Variants in LPP observed in about 807,000 individuals in gnomAD.
The protein encoded by LPP is LIM domain containing preferred translocation partner in lipoma, also known as lipoma-preferred partner.
Under a neutral mutation model 60.4 loss-of-function variants are expected in LPP, and 38 were observed. The observed-to-expected ratio is 0.63, with a 90% CI of 0.49 to 0.83. The LOEUF (loss-of-function observed/expected upper bound fraction) is 0.83. Ranked by LOEUF, LPP falls within the 40% of genes least tolerant of loss-of-function variation. The pLI, the probability that LPP is intolerant of heterozygous loss-of-function variation, is 0.00. For synonymous variants in LPP, 328 were observed against 290.8 expected (o/e 1.13, Z -1.30); for missense variants, 902 against 783.6 (o/e 1.15, Z -1.80).
chr3:188,779,359 G>A (rs1738866305), intron 9 of LPP, among the ~76,000 whole-genome samples: 6 of 152,098 alleles, frequency 3.9e-5, no homozygotes, highest in Admixed American at 3.9e-4. Flanking sequence ...ATCAGGAAGG[G>A]ACGTGCATCA....
intron 3 of LPP, among the ~76,000 whole-genome samples, chr3:188,376,189 G>T (rs1373163656): frequency 6.6e-6 from 1 of 152,098 alleles, no homozygotes; most frequent in East Asian, 1.9e-4. Context: ...CTGTCGATTT[G>T]GGGTGGAGAG....
At position 188,881,834 on chromosome 3, in the gene LPP, A is replaced by G; in HGVS notation, c.*7355A>G. 1 of 215,848 alleles carries G rather than the reference A, an allele frequency of 4.6e-6. No homozygotes were observed. Among genetic ancestry groups the G allele is most frequent in the Non-Finnish European group, 9.3e-6 (1 of 107,036 alleles). 13.4% of individuals were successfully genotyped at this position (215,848 alleles called of 1,614,324 possible). On this transcript the variant is annotated 3_prime_UTR_variant, in exon 12 of 12. Coordinates refer to ENST00000617246, the MANE Select transcript of LPP (RefSeq NM_001375462.1). ...AACACTTTATAGGTTCTACTTTAAT[A>G]TATGGACACTTTACAGGTTATACAT...
chr3:188,191,490 G>A (rs1269343724), intron 1 of LPP, among the ~76,000 whole-genome samples: 1 of 152,148 alleles, frequency 6.6e-6, no homozygotes, highest in Non-Finnish European at 1.5e-5. Context: ...CTGGCCTTTA[G>A]GTTTTGCCAC....
chr3:188,196,521 C>A (rs911256428), intron 1 of LPP, among the ~76,000 whole-genome samples: 1 of 152,160 alleles, frequency 6.6e-6, no homozygotes, highest in Non-Finnish European at 1.5e-5. Context: ...TCCATTCAGG[C>A]CCTCAGCATC....
chr3:188,884,017 A>G lies in LPP; in HGVS notation c.*9538A>G, dbSNP rs1037884233. 7 of 220,766 alleles carry G rather than the reference A, an allele frequency of 3.2e-5. No individual in the cohort carries two copies. The highest frequency in any genetic ancestry group is 1.8e-4 in the South Asian group (1 of 5,418). 13.7% of individuals were successfully genotyped at this position (220,766 alleles called of 1,614,324 possible). On this transcript the variant is annotated 3_prime_UTR_variant, in exon 12 of 12. Transcript: ENST00000617246. ...CATGATTGTGGCTTCTTCTACCCCA[A>G]CTTTGAATGAGAGAGCACTGTAAGC...
In LPP at chr3:188,887,118, T is replaced by C. The variant is rs936438788; in HGVS notation, c.*12639T>C. The C allele has an allele frequency of 4.4e-6, 1 of 229,124 alleles. No homozygotes were observed. The highest frequency in any genetic ancestry group is 8.7e-6 in the Non-Finnish European group (1 of 115,548). The allele number at this position is 229,124 out of a possible 1,614,324, so 14.2% of individuals were successfully genotyped here. ...CGAGGCATAGCAGTAATCGTTACTATCTTGACTCTTTCCTTCATCACAAGA... is the reference window on the plus strand; with the variant it reads ...CGAGGCATAGCAGTAATCGTTACTACCTTGACTCTTTCCTTCATCACAAGA... On this transcript the variant is annotated 3_prime_UTR_variant, in exon 12 of 12. Transcript: ENST00000617246.
chr3:188,523,310 T>C (rs1199550750), intron 5 of LPP, among the ~76,000 whole-genome samples: 1 of 152,160 alleles, frequency 6.6e-6, no homozygotes, highest in Non-Finnish European at 1.5e-5. Context: ...ACAGTTGATG[T>C]TACTGTGCTT....
At chr3:188,322,024 T>G (rs1008706653) in intron 2 of LPP, among the ~76,000 whole-genome samples, 1 of 152,226 alleles carries the variant, frequency 6.6e-6, no homozygotes, top group African/African-American at 2.4e-5. Flanking sequence ...TTCAAGATGC[T>G]TCACCTCATC....
chr3:188,456,393 G>T (rs1797746910), intron 4 of LPP, among the ~76,000 whole-genome samples: 1 of 152,200 alleles, frequency 6.6e-6, no homozygotes, highest in African/African-American at 2.4e-5. Context: ...TTATAATTAA[G>T]TAGATATGAC....
Position 188,800,308 on chromosome 3 carries a change from C to G in LPP, c.1410+40026C>G, listed in dbSNP as rs370419074. Among the ~76,000 whole-genome samples, 6 of 140,688 alleles carry G rather than the reference C, an allele frequency of 4.3e-5. No individual in the cohort carries two copies. The East Asian group carries it at 8.4e-4, about 20-fold the overall frequency. 92.3% of individuals were successfully genotyped at this position (140,688 alleles called of 152,430 possible). A position where few individuals can be genotyped will look rare whatever the true frequency, so the allele number is the denominator to read the frequency against. On this transcript the variant is annotated intron_variant, in intron 9 of 11. Transcript: ENST00000617246. ...TCGCTCAGGCTGGGGTGCAGTGGCG[C>G]GATCTCAGCTCACTGCAAGCTCCAC... is the stretch of plus-strand genomic sequence containing the variant.
At chr3:188,655,111 T>C (rs1232394805) in intron 7 of LPP, among the ~76,000 whole-genome samples, 1 of 152,158 alleles carries the variant, frequency 6.6e-6, no homozygotes, top group Non-Finnish European at 1.5e-5. Context: ...AAATGAACTG[T>C]TCTTTAGGCT....
At chr3:188,361,619 T>C (rs564068165) in intron 3 of LPP, among the ~76,000 whole-genome samples, 12 of 147,628 alleles carry the variant, frequency 8.1e-5, no homozygotes, top group African/African-American at 3.0e-4. Flanking sequence ...CAGGCTACAG[T>C]GCAGTGGCAC....
At chr3:188,718,084 A>T (rs1344640476) in intron 8 of LPP, among the ~76,000 whole-genome samples, 1 of 152,168 alleles carries the variant, frequency 6.6e-6, no homozygotes, top group African/African-American at 2.4e-5. Context: ...GCCTCCCAAA[A>T]GTGCTGGGAT....
At chr3:188,796,978 A>G (rs1254005082) in intron 9 of LPP, among the ~76,000 whole-genome samples, 2 of 152,252 alleles carry the variant, frequency 1.3e-5, no homozygotes, top group Non-Finnish European at 2.9e-5. Context: ...TTTCCCTTCT[A>G]AAACTTCCAC....
chr3:188,191,588 G>A (rs1206056351), intron 1 of LPP, among the ~76,000 whole-genome samples: 1 of 152,194 alleles, frequency 6.6e-6, no homozygotes, highest in Non-Finnish European at 1.5e-5. Flanking sequence ...ATCAAATTCA[G>A]TCTGACCCCA....
At chr3:188,263,588 C>T (rs1352073579) in intron 2 of LPP, among the ~76,000 whole-genome samples, 2 of 152,190 alleles carry the variant, frequency 1.3e-5, no homozygotes, top group African/African-American at 4.8e-5. Flanking sequence ...CGGGAGGTTG[C>T]TGCACCTCCC....
intron 1 of LPP, among the ~76,000 whole-genome samples, chr3:188,202,502 G>A (rs564819318): frequency 5.3e-5 from 8 of 152,308 alleles, no homozygotes; most frequent in East Asian, 3.9e-4. Context: ...AGACTGTGTC[G>A]TCTGCATCAA....
At chr3:188,221,895 T>C (rs1019185133) in intron 1 of LPP, among the ~76,000 whole-genome samples, 2 of 152,212 alleles carry the variant, frequency 1.3e-5, no homozygotes, top group Non-Finnish European at 2.9e-5. Context: ...ACTGTCCATA[T>C]TATAGTTGTA....
intron 5 of LPP, among the ~76,000 whole-genome samples, chr3:188,496,741 T>G (rs73890528): frequency 0.016 from 2,371 of 152,302 alleles, 53 homozygotes; most frequent in African/African-American, 0.053. Flanking sequence ...GTTTCATTAT[T>G]TGCTGTCACC....
Sources: allele counts gnomAD v4.1 joint callset (sites outside exome capture counted in the v4.1 genomes callset), GRCh38; gene constraint gnomAD v4.1.1; transcripts MANE v1.5; gene names NCBI Gene and HGNC (gene_info 2026-07-23, HGNC 2026-07-21).